EPHA6: variants seen among roughly 807,000 people sequenced by gnomAD.
EPHA6 encodes ephrin type-A receptor 6.
Under a neutral mutation model 112.0 loss-of-function variants are expected in EPHA6, and 50 were observed. The ratio of observed to expected loss-of-function variants is 0.45; its 90% CI spans 0.36 to 0.56. The LOEUF (loss-of-function observed/expected upper bound fraction) is 0.56, where lower values mean the gene tolerates loss of function less well. EPHA6 is among the 20% of genes least tolerant of loss of function. The pLI, the probability that EPHA6 is intolerant of heterozygous loss-of-function variation, is 0.00. For synonymous variants in EPHA6, 529 were observed against 490.7 expected, an observed-to-expected ratio of 1.08 and a Z score of -1.03; for missense variants, 1,280 against 1,417.4, an observed-to-expected ratio of 0.90 and a Z score of 1.56.
intron 3 of EPHA6, among the ~76,000 whole-genome samples, chr3:97,104,668 T>C (rs2108268001): frequency 6.6e-6 from 1 of 152,172 alleles, no homozygotes; most frequent in East Asian, 1.9e-4. Context: ...ATTGAATTAG[T>C]TGAGAAATCC....
At chr3:97,091,757 T>A (rs2047072495) in intron 3 of EPHA6, among the ~76,000 whole-genome samples, 1 of 152,170 alleles carries the variant, frequency 6.6e-6, no homozygotes, top group Admixed American at 6.6e-5. Context: ...ATTATATGAA[T>A]GTATTTATTG....
intron 2 of EPHA6, among the ~76,000 whole-genome samples, chr3:96,962,437 A>T (rs1483054394): frequency 6.6e-6 from 1 of 150,556 alleles, no homozygotes; most frequent in East Asian, 1.9e-4. Context: ...ATGGAGGAGG[A>T]ATAACAATGA....
At chr3:97,417,325 C>G (rs138321391) in intron 6 of EPHA6, among the ~76,000 whole-genome samples, 13 of 152,046 alleles carry the variant, frequency 8.6e-5, no homozygotes, top group African/African-American at 2.9e-4. Context: ...AGCGCTTTTC[C>G]TGACACACTG....
intron 5 of EPHA6, among the ~76,000 whole-genome samples, chr3:97,328,149 A>G (rs1269917834): frequency 6.6e-6 from 1 of 150,486 alleles, no homozygotes; most frequent in Non-Finnish European, 1.5e-5. Flanking sequence ...TAAACAAAAA[A>G]ACAGCTATGT....
intron 5 of EPHA6, among the ~76,000 whole-genome samples, chr3:97,315,435 T>G (rs1036446717): frequency 6.6e-6 from 1 of 151,710 alleles, no homozygotes; most frequent in Admixed American, 6.6e-5. Flanking sequence ...GACTTTTAAA[T>G]ATCTTCACGG....
chr3:97,675,096 C>T (rs573015335), intron 14 of EPHA6, among the ~76,000 whole-genome samples: 15 of 152,112 alleles, frequency 9.9e-5, no homozygotes, highest in Admixed American at 9.2e-4. Flanking sequence ...CCTAACAAAA[C>T]GTGTAGAAAG....
chr3:97,005,293 G>C (rs1410259073), intron 3 of EPHA6, among the ~76,000 whole-genome samples: 2 of 152,000 alleles, frequency 1.3e-5, no homozygotes, highest in African/African-American at 4.8e-5. Flanking sequence ...TTATTTCCTT[G>C]AGCAGTGGTT....
chr3:96,834,620 G>A (rs539539691), intron 1 of EPHA6, among the ~76,000 whole-genome samples: 30 of 151,982 alleles, frequency 2.0e-4, no homozygotes, highest in African/African-American at 6.7e-4. Flanking sequence ...AGTTTTCTGG[G>A]ATTCAATAGA....
rs565039162 is a variant in EPHA6 at position 96,900,630 on chromosome 3, G to A, written c.450+33741G>A. 6.8e-4 allele frequency among the ~76,000 whole-genome samples: 104 copies of A among 152,300 alleles called. 2 individuals carry two copies. The South Asian group carries it at 0.016, about 24-fold the overall frequency. ...TGTGACAGCAAGCATGGAAAGAGAC[G>A]TTTGATTTTGGAAATCCCTTATTAT... On this transcript the variant is annotated intron_variant, in intron 2 of 17. Transcript: ENST00000389672.
intron 3 of EPHA6, among the ~76,000 whole-genome samples, chr3:97,187,729 GAAAGAAA>G (rs2077189382): frequency 6.8e-6 from 1 of 147,936 alleles, no homozygotes; most frequent in Admixed American, 6.7e-5. Flanking sequence ...AAGAAAGAAA[GAAAGAAA>G]GAAAGAAAGA....
rs1489392413 is a variant in EPHA6, at chr3:97,347,527, C to A, written c.1607-57623C>A. Among the ~76,000 whole-genome samples, 4 of 152,050 alleles carry A rather than the reference C, an allele frequency of 2.6e-5. No homozygotes were observed. The East Asian group carries it at 5.8e-4, about 22-fold the overall frequency. On this transcript the variant is annotated intron_variant, in intron 5 of 17. Transcript: ENST00000389672. The stretch of plus-strand genomic sequence containing the variant: ...AGTACAGGAGAGAATCATGTATTCA[C>A]ACAGTAATTCTGGGAAAGATAATAT...
intron 3 of EPHA6, among the ~76,000 whole-genome samples, chr3:97,044,715 A>G (rs969217595): frequency 1.5e-5 from 2 of 132,684 alleles, no homozygotes; most frequent in South Asian, 4.2e-4. Flanking sequence ...ATGTTCTAGG[A>G]AAAAAAAAAA....
At chr3:97,504,426 A>G (rs2092195932) in intron 10 of EPHA6, among the ~76,000 whole-genome samples, 1 of 152,260 alleles carries the variant, frequency 6.6e-6, no homozygotes, top group Admixed American at 6.5e-5. Flanking sequence ...TCTCATTTGC[A>G]TAAGGAGCAA....
At position 97,748,681 on chromosome 3, in the gene EPHA6, G is replaced by A. The variant is rs570931671; in HGVS notation, c.3373G>A (p.Glu1125Lys). 5.6e-6 allele frequency: 9 copies of A among 1,604,158 alleles called. No individual in the cohort carries two copies. The African/African-American group carries it at 1.1e-4, about 19-fold the overall frequency. The change falls in exon 18 of 18, where the codon GAG becomes AAG. Residue 1125 changes from glutamate (E) to lysine (K), a missense_variant. Physicochemically the swap from Glu to Lys is moderately conservative, Grantham distance 56. Transcript: ENST00000389672. ...ACGTTTACACATGATGCACATACAG[G>A]AGAAGGGATTTCATGTATGAAAGTA... Reference protein sequence around the residue: ...TLRLHMMHIQEKGFHV With the variant: ...TLRLHMMHIQKKGFHV
chr3:97,287,470 C>T (rs200464595), intron 5 of EPHA6, among the ~76,000 whole-genome samples: 1 of 141,442 alleles, frequency 7.1e-6, no homozygotes, highest in African/African-American at 2.5e-5. Flanking sequence ...GTCTCAAAAA[C>T]AAAAAAAAAA....
intron 1 of EPHA6, among the ~76,000 whole-genome samples, chr3:96,834,553 C>A (rs926602412): frequency 6.6e-6 from 1 of 151,880 alleles, no homozygotes; most frequent in African/African-American, 2.4e-5. Flanking sequence ...CCTGGAAGCC[C>A]TGTTGTTGTT....
At chr3:97,029,097 A>C (rs2044737973) in intron 3 of EPHA6, among the ~76,000 whole-genome samples, 1 of 151,818 alleles carries the variant, frequency 6.6e-6, no homozygotes, top group African/African-American at 2.4e-5. Context: ...AAATAACAAT[A>C]AAATTCTAAT....
intron 14 of EPHA6, among the ~76,000 whole-genome samples, chr3:97,673,004 G>A (rs1187805051): frequency 6.6e-6 from 1 of 152,186 alleles, no homozygotes; most frequent in Non-Finnish European, 1.5e-5. Context: ...GTAGAAGTGT[G>A]TAGAACTGAG....
chr3:97,504,517 T>C (rs1046330169), intron 10 of EPHA6, among the ~76,000 whole-genome samples: 1 of 152,166 alleles, frequency 6.6e-6, no homozygotes, highest in Non-Finnish European at 1.5e-5. Flanking sequence ...TTGTTTCCCT[T>C]ACTGTATATG....
Sources: gnomAD v4.1 joint callset for allele counts (sites outside exome capture counted in the v4.1 genomes callset) on GRCh38, gnomAD v4.1.1 for gene constraint, MANE v1.5 for transcripts, NCBI Gene and HGNC (gene_info 2026-07-23, HGNC 2026-07-21) for gene names.